Variants in LAMA5 observed in about 807,000 individuals in gnomAD.
LAMA5 encodes laminin subunit alpha 5, also known as laminin subunit alpha-5.
In LAMA5, 260 loss-of-function variants were observed where a neutral mutation model predicts 433.4. The observed-to-expected ratio is 0.60, with a 90% CI of 0.54 to 0.66. LAMA5 has a LOEUF of 0.66. Among genes scored for constraint, LAMA5 ranks in the 30% least tolerant of loss-of-function variants. The probability of loss-of-function intolerance (pLI) is 0.00; values close to 1 mark genes in which losing one functional copy is unlikely to be tolerated. For synonymous variants in LAMA5, 2,620 were observed against 2,226.6 expected, an observed-to-expected ratio of 1.18 and a Z score of -4.97; for missense variants, 5,378 against 5,258.5, an observed-to-expected ratio of 1.02 and a Z score of -0.70.
At position 62,329,185 on chromosome 20, in the gene LAMA5, T is replaced by C. The variant is rs773620331; in HGVS notation, c.4188A>G (p.Lys1396=). ...CGCAGTGGCTGATGAAGTCATAGGA[T>C]TTATCCAGGGGCTCCTCCCGGAGGT... ...FGYLREEPLD[K]SYDFISHCAA... Residue 1396 remains lysine (K), a synonymous_variant, in exon 33 of 80, where the codon AAA becomes AAG. Coordinates refer to ENST00000252999, the MANE Select transcript of LAMA5 (RefSeq NM_005560.6). The C allele has an allele frequency of 3.7e-6, 6 of 1,612,782 alleles. No individual in the cohort carries two copies. The South Asian group carries it at 6.6e-5, about 18-fold the overall frequency.
rs764387266 is a variant in LAMA5, at chr20:62,326,736, G to C, written c.5239C>G (p.Leu1747Val). The C allele has an allele frequency of 1.9e-6, 3 of 1,612,904 alleles. No individual in the cohort carries two copies. The African/African-American group carries it at 4.0e-5, about 22-fold the overall frequency. The change falls in exon 40 of 80, where the codon CTG becomes GTG. Residue 1747 changes from leucine to valine, a missense_variant. Physicochemically the swap from Leu to Val is conservative, Grantham distance 32. Transcript: ENST00000252999. ...LQGNQMSITF[L>V]EPAYPTPGHV... ...CCAGGCGTGGGGTATGCCGGCTCCA[G>C]GAATGTGATGCTCATCTGGTTGCCC...
In LAMA5 at chr20:62,316,977, C is replaced by T. The variant is rs761217624; in HGVS notation, c.7558G>A (p.Glu2520Lys). The change falls in exon 56 of 80, where the codon GAG becomes AAG. Residue 2520 changes from glutamate (E) to lysine (K), a missense_variant. Coordinates refer to ENST00000252999, the MANE Select transcript of LAMA5 (RefSeq NM_005560.6). ...NQDRLTQRAI[E>K]ASNAYSRILQ... ...ATGCGGCTGTAGGCGTTGGAGGCCT[C>T]GATGGCCCTCTGGGTGAGGCGGTCC... 31 of 1,561,762 alleles carry T rather than the reference C, an allele frequency of 2.0e-5. No individual in the cohort carries two copies. In the Admixed American group the frequency reaches 3.6e-4, roughly 18 times the overall value.
At position 62,327,721 on chromosome 20, in the gene LAMA5, C is replaced by T. The variant is rs376173735; in HGVS notation, c.4798-52G>A. 18 of 1,599,954 alleles carry T rather than the reference C, an allele frequency of 1.1e-5. No individual in the cohort carries two copies. The Admixed American group carries it at 1.2e-4, about 10-fold the overall frequency. On this transcript the variant is annotated intron_variant, in intron 36 of 79. Transcript: ENST00000252999. The stretch of plus-strand genomic sequence containing the variant: ...GTCGGCAGGTGCCAGGTGCCTGACC[C>T]CGGGTTCCTGGTACCCACCTGCCAA...
At chr20:62,321,012 G>A (rs1987644113) in intron 48 of LAMA5, 122 bp from the exon 49 acceptor site, 1 of 1,076,244 alleles carries the variant, frequency 9.3e-7, no homozygotes, top group South Asian at 1.6e-5. Context: ...GGTCAGCTTA[G>A]GGACACAGGA....
In LAMA5 at chr20:62,313,717, C is replaced by G; in HGVS notation, c.8590G>C (p.Glu2864Gln). Reference sequence around the variant, plus strand: ...TCTGGCCGCAGGTTGAGCAGCCCCTCTGCCCCAGGGGCCACCGTGTCACCC... The same window carrying G: ...TCTGGCCGCAGGTTGAGCAGCCCCTGTGCCCCAGGGGCCACCGTGTCACCC... ...TKGDTVAPGA[E>Q]GLLNLRPDDF... Residue 2864 changes from glutamate (E) to glutamine (Q), a missense_variant, in exon 63 of 80, where the codon GAG (glutamate) becomes CAG (glutamine). Physicochemically the swap from Glu to Gln is conservative, Grantham distance 29. Transcript: ENST00000252999. 3 of 1,612,932 alleles carry G rather than the reference C, an allele frequency of 1.9e-6. No individual in the cohort carries two copies. The highest frequency in any genetic ancestry group is 2.5e-6 in the Non-Finnish European group (3 of 1,179,968).
Position 62,315,957 on chromosome 20 carries a change from T to C in LAMA5, c.7858A>G (p.Met2620Val), listed in dbSNP as rs959301849. 3 of 1,601,024 alleles carry C rather than the reference T, an allele frequency of 1.9e-6. No homozygotes were observed. The highest frequency in any genetic ancestry group is 1.1e-5 in the South Asian group (1 of 89,668). The change falls in exon 58 of 80, where the codon ATG becomes GTG. Residue 2620 changes from methionine (M) to valine (V), a missense_variant. By Grantham distance (21) the Met-to-Val change is conservative. Transcript: ENST00000252999. The stretch of plus-strand genomic sequence containing the variant: ...CCCAGGCTCCGCATACCTGTGTCCA[T>C]GGCAAGCATGGCCTGCGCCGCCTGG... ...HIQAAQAMLA[M>V]DTDETSKKIA...
In LAMA5 at chr20:62,341,859, A is replaced by G. The variant is rs79841759; in HGVS notation, c.1478-3251T>C. 8.7e-3 allele frequency among the ~76,000 whole-genome samples: 1,308 copies of G among 150,698 alleles called. 19 individuals are homozygous for G. The highest frequency in any genetic ancestry group is 0.03 in the African/African-American group (1,224 of 40,194). Reference sequence around the variant, plus strand: ...AAAAAAAAAAAAAAGAAGAAGAAAGAAAATAAAAATAAAAATAGACGAGAA... The same window carrying G: ...AAAAAAAAAAAAAAGAAGAAGAAAGGAAATAAAAATAAAAATAGACGAGAA... On this transcript the variant is annotated intron_variant, in intron 11 of 79. Transcript: ENST00000252999.
intron 32 of LAMA5, 45 bp from the exon 33 acceptor site, chr20:62,329,298 C>A (rs764943395): frequency 5.5e-6 from 8 of 1,454,222 alleles, no homozygotes; most frequent in Non-Finnish European, 6.7e-6. Flanking sequence ...CCAGAGCCTG[C>A]AGCGGGGAGG....
Position 62,310,728 on chromosome 20 carries a change from G to T in LAMA5, c.10383C>A (p.His3461Gln). 1.3e-6 allele frequency: 2 copies of T among 1,592,720 alleles called. No individual in the cohort carries two copies. The highest frequency in any genetic ancestry group is 8.5e-7 in the Non-Finnish European group (1 of 1,172,890). ...CCACAAAGAGGGTGTGGGGCTGGGG[G>T]TGCTCTGCCCCCTGGTGCTGCCGGT... Reference protein sequence around the residue: ...GPHRQHQGAEHPQPHTLFVGG... With the variant: ...GPHRQHQGAEQPQPHTLFVGG... Residue 3461 changes from histidine (H) to glutamine (Q), a missense_variant, in exon 75 of 80, where the codon CAC (histidine) becomes CAA (glutamine). Transcript: ENST00000252999.
chr20:62,312,050 C>G lies in LAMA5; in HGVS notation c.9505G>C (p.Asp3169His). The change falls in exon 70 of 80, where the codon GAT (aspartate) becomes CAT (histidine). Residue 3169 changes from aspartate (D) to histidine (H), a missense_variant and splice_region_variant. By Grantham distance (81) the Asp-to-His change is moderately conservative. Coordinates refer to ENST00000252999, the MANE Select transcript of LAMA5 (RefSeq NM_005560.6). ...TGCAGGGACACCTGGCATAGCCCAT[C>G]CTGGGGACGGCAGCCAGGTCAGCCG... ...SALLYYRASP[D>H]GLCQVSLQQG... The G allele has an allele frequency of 6.2e-7, 1 of 1,611,398 alleles. No homozygotes were observed. Among genetic ancestry groups the G allele is most frequent in the Non-Finnish European group, 8.5e-7 (1 of 1,179,002 alleles).
In LAMA5 at chr20:62,325,386, C is replaced by G; in HGVS notation, c.5459G>C (p.Gly1820Ala). ...RVALEVASPA[G>A]QGALASNVEL... Reference sequence around the variant, plus strand: ...CACATTGCTGGCCAGGGCCCCCTGGCCTGCTGGGCTGGCCACCTCCAGTGC... The same window carrying G: ...CACATTGCTGGCCAGGGCCCCCTGGGCTGCTGGGCTGGCCACCTCCAGTGC... The change falls in exon 41 of 80, where the codon GGC becomes GCC. Residue 1820 changes from glycine to alanine, a missense_variant. By Grantham distance (60) the Gly-to-Ala change is moderately conservative. Transcript: ENST00000252999. 1 of 1,611,232 alleles carries G rather than the reference C, an allele frequency of 6.2e-7. No individual in the cohort carries two copies. Among genetic ancestry groups the G allele is most frequent in the Non-Finnish European group, 8.5e-7 (1 of 1,179,032 alleles).
chr20:62,340,436 C>T (rs1459761983), intron 11 of LAMA5, among the ~76,000 whole-genome samples: 2 of 151,448 alleles, frequency 1.3e-5, no homozygotes, highest in Non-Finnish European at 2.9e-5. Context: ...CTCAGCCTCC[C>T]GAGTAGCTGG....
chr20:62,335,554 G>GC (rs573307390), intron 18 of LAMA5, among the ~76,000 whole-genome samples: 1,556 of 100,172 alleles, frequency 0.016, 24 homozygotes, highest in African/African-American at 0.046. Context: ...TCAGACTCCA[G>GC]CCCCCCCCCA....
Position 62,324,421 on chromosome 20 carries a change from C to T in LAMA5, c.5643+20G>A, listed in dbSNP as rs1286689333. The T allele has an allele frequency of 6.3e-7, 1 of 1,584,810 alleles. No homozygotes were observed. Among genetic ancestry groups the T allele is most frequent in the Non-Finnish European group, 8.6e-7 (1 of 1,157,352 alleles). ...CCTTCAGTGAATGCTGCCCCCCTGG[C>T]CCCACCAGCCCCTACTCACCACACA... On this transcript the variant is annotated intron_variant, in intron 42 of 79. Transcript: ENST00000252999. The surrounding 1 kb of genome is among the most constrained non-coding windows in gnomAD (Gnocchi z 4.4).
intron 20 of LAMA5, 70 bp downstream of exon 20, chr20:62,334,951 G>A (rs1416863292): frequency 2.1e-6 from 3 of 1,440,816 alleles, no homozygotes; most frequent in Admixed American, 3.4e-5. Context: ...GTCCCTCCGG[G>A]CCTTGGGTTC....
intron 79 of LAMA5, 109 bp downstream of exon 79, chr20:62,309,607 A>AGGGGGCGGGGGGT (rs1985913295): frequency 5.9e-6 from 2 of 340,116 alleles, no homozygotes; most frequent in Non-Finnish European, 9.5e-6. Flanking sequence ...GGGGGGTGGG[A>AGGGGGCGGGGGGT]GGAGGGTGGG....
rs1378626716 is a variant in LAMA5, at chr20:62,310,845, G to A, written c.10282-16C>T. On this transcript the variant is annotated splice_polypyrimidine_tract_variant and intron_variant, in intron 74 of 79. Coordinates refer to ENST00000252999, the MANE Select transcript of LAMA5 (RefSeq NM_005560.6). ...GCACGGAGACCTGGGGGCAGGAGATGGGTCAGGGTAGGGCTGCCAGGCCCT... is the reference window on the plus strand; with the variant it reads ...GCACGGAGACCTGGGGGCAGGAGATAGGTCAGGGTAGGGCTGCCAGGCCCT... 1 of 1,578,390 alleles carries A rather than the reference G, an allele frequency of 6.3e-7. No homozygotes were observed. The highest frequency in any genetic ancestry group is 2.3e-5 in the East Asian group (1 of 44,068).
chr20:62,362,338 G>C (rs1409624954), intron 2 of LAMA5, 62 bp downstream of exon 2: 3 of 1,379,512 alleles, frequency 2.2e-6, no homozygotes, highest in Non-Finnish European at 2.8e-6. Flanking sequence ...TGTGGCCCAA[G>C]GTAGGCCCGA....
chr20:62,335,803 C>G (rs1362948441), intron 18 of LAMA5, among the ~76,000 whole-genome samples: 1 of 98,300 alleles, frequency 1.0e-5, no homozygotes, highest in Non-Finnish European at 2.6e-5. Flanking sequence ...GCAGGAACCC[C>G]CTGCACCCCA....
Sources: gnomAD v4.1 joint callset for allele counts (sites outside exome capture counted in the v4.1 genomes callset) on GRCh38, gnomAD v4.1.1 for gene constraint, Gnocchi (gnomAD v3.1) non-coding constraint, MANE v1.5 for transcripts, NCBI Gene and HGNC (gene_info 2026-07-23, HGNC 2026-07-21) for gene names.